The following SV2B variants were observed in gnomAD, a reference collection of about 807,000 sequenced individuals.
SV2B encodes solute carrier family 22 member B2.
Under a neutral mutation model 73.9 loss-of-function variants are expected in SV2B, and 41 were observed. That is an observed-to-expected ratio of 0.56 (90% CI 0.43 to 0.72). The LOEUF (loss-of-function observed/expected upper bound fraction) is 0.72. Ranked by LOEUF, SV2B falls within the 30% of genes least tolerant of loss-of-function variation. The pLI is 0.00. For missense variants in SV2B, 764 were observed against 857.8 expected (o/e 0.89, Z 1.37); for synonymous variants, 314 against 314.2 (o/e 1.00, Z 0.01).
rs117102896 is a variant in SV2B, at chr15:91,228,995, G to A, written c.451+2281G>A. 8.5e-5 allele frequency among the ~76,000 whole-genome samples: 13 copies of A among 152,230 alleles called. 1 individual carries two copies. The highest frequency in any genetic ancestry group is 7.8e-4 in the Admixed American group (12 of 15,288). ...AGTTTTATCTAAGGTCACATAGCTC[G>A]TAAGTGTTGAGCAGGGGTTTGACCG... On this transcript the variant is annotated intron_variant, in intron 2 of 12. Transcript: ENST00000394232.
chr15:91,276,799 G>GTTATTACTATTA (rs1290710147), intron 9 of SV2B, among the ~76,000 whole-genome samples: 1 of 77,348 alleles, frequency 1.3e-5, no homozygotes, highest in African/African-American at 6.3e-5. Flanking sequence ...TTATATTATT[G>GTTATTACTATTA]TTGTTGTTAT....
In SV2B at chr15:91,132,731, T is replaced by G. The variant is rs2042692964; in HGVS notation, c.-392+32368T>G. Among the ~76,000 whole-genome samples, 1 of 152,154 alleles carries G rather than the reference T, an allele frequency of 6.6e-6. No homozygotes were observed. The highest frequency in any genetic ancestry group is 1.5e-5 in the Non-Finnish European group (1 of 68,022). ...GGCACATGCCTGTAGTCCCAGCTAC[T>G]GGAGAGGCTGAGGTGGGAGGATCCG... On this transcript the variant is annotated intron_variant, in intron 1 of 12. Transcript: ENST00000394232. The surrounding 1 kb of genome is among the most constrained non-coding windows in gnomAD (Gnocchi z 4.6).
intron 1 of SV2B, among the ~76,000 whole-genome samples, chr15:91,135,593 A>G (rs2042796619): frequency 6.6e-6 from 1 of 152,234 alleles, no homozygotes; most frequent in Admixed American, 6.5e-5. Flanking sequence ...GGCTGAATGT[A>G]AAACAGCGTC....
rs150051002 is a variant in SV2B at position 91,256,311 on chromosome 15, C to A, written c.785-2110C>A. ...GCCCTGAAGATGTGCCTAATGAATGCGATAAATGCAGATTACTGAAATCAC... is the reference window on the plus strand; with the variant it reads ...GCCCTGAAGATGTGCCTAATGAATGAGATAAATGCAGATTACTGAAATCAC... On this transcript the variant is annotated intron_variant, in intron 4 of 12. Transcript: ENST00000394232. 3.1e-3 allele frequency among the ~76,000 whole-genome samples: 469 copies of A among 152,084 alleles called. 1 individual carries two copies. The highest frequency in any genetic ancestry group is 0.017 in the Middle Eastern group (5 of 294).
At chr15:91,217,147 G>A (rs981591546) in intron 1 of SV2B, among the ~76,000 whole-genome samples, 2 of 152,196 alleles carry the variant, frequency 1.3e-5, no homozygotes, top group Non-Finnish European at 2.9e-5. Flanking sequence ...AAAGTGCTGG[G>A]ATTCCAGGTG....
chr15:91,187,827 A>G (rs191652596), intron 1 of SV2B, among the ~76,000 whole-genome samples: 57 of 152,276 alleles, frequency 3.7e-4, no homozygotes, highest in African/African-American at 1.3e-3. Flanking sequence ...GATGCTGACT[A>G]TATTTCTTTT....
At chr15:91,142,450 A>G (rs761996444) in intron 1 of SV2B, among the ~76,000 whole-genome samples, 1 of 152,238 alleles carries the variant, frequency 6.6e-6, no homozygotes, top group Non-Finnish European at 1.5e-5. Context: ...TAAATATTTA[A>G]GTAATGAGAT....
intron 2 of SV2B, among the ~76,000 whole-genome samples, chr15:91,249,095 CACACACACACACAT>C (rs1008762503): frequency 2.7e-5 from 4 of 149,446 alleles, no homozygotes; most frequent in Non-Finnish European, 6.0e-5. Context: ...CACACACACA[CACACACACACACAT>C]GTTTATGATC....
chr15:91,125,346 G>C (rs576945121), intron 1 of SV2B, among the ~76,000 whole-genome samples: 109 of 152,218 alleles, frequency 7.2e-4, no homozygotes, highest in Middle Eastern at 3.4e-3. Context: ...TCTGTGCCGG[G>C]TACTGCACTC....
At position 91,268,650 on chromosome 15, in the gene SV2B, G is replaced by A. The variant is rs779601565; in HGVS notation, c.1373+45G>A. The A allele has an allele frequency of 7.6e-6, 12 of 1,588,006 alleles. No homozygotes were observed. Among genetic ancestry groups the A allele is most frequent in the Middle Eastern group, 1.7e-4 (1 of 5,982 alleles). ...CTTCCCTCACATCAGGGTGACAGTC[G>A]TGGGGACTGTTATTGGGAGGGAGCC... On this transcript the variant is annotated intron_variant, in intron 9 of 12. Coordinates refer to ENST00000394232, the MANE Select transcript of SV2B (RefSeq NM_001323032.3). The surrounding 1 kb of genome is among the most constrained non-coding windows in gnomAD (Gnocchi z 4.4).
In SV2B at chr15:91,268,198, A is replaced by T. The variant is rs1046368313; in HGVS notation, c.1209-243A>T. ...GGAGGTGTCCCTCAACCCCTAATCT[A>T]TTGGTGTTTGTATCAGGAAAACATT... On this transcript the variant is annotated intron_variant, in intron 8 of 12. Coordinates refer to ENST00000394232, the MANE Select transcript of SV2B (RefSeq NM_001323032.3). This position sits in a 1 kb window ranked among gnomAD's most constrained non-coding sequence, Gnocchi z 4.4. Among the ~76,000 whole-genome samples the T allele has an allele frequency of 6.6e-6, 1 of 152,198 alleles. No homozygotes were observed. The highest frequency in any genetic ancestry group is 6.5e-5 in the Admixed American group (1 of 15,282).
At chr15:91,218,468 G>A (rs528033375) in intron 1 of SV2B, among the ~76,000 whole-genome samples, 16 of 152,188 alleles carry the variant, frequency 1.1e-4, no homozygotes, top group African/African-American at 3.9e-4. Flanking sequence ...CAAATGCCAA[G>A]GTGCCAAATT....
chr15:91,161,441 T>G (rs1378303849), intron 1 of SV2B, among the ~76,000 whole-genome samples: 1 of 152,174 alleles, frequency 6.6e-6, no homozygotes, highest in Non-Finnish European at 1.5e-5. Context: ...TTTGACAACA[T>G]AAGAATTTTA....
chr15:91,277,336 A>T (rs933646578), intron 9 of SV2B, among the ~76,000 whole-genome samples: 10 of 152,132 alleles, frequency 6.6e-5, no homozygotes, highest in Non-Finnish European at 1.3e-4. Context: ...TTCCTTTTTT[A>T]TTGAGGAATA....
rs1485069234 is a variant in SV2B, at chr15:91,245,039, C to T, written c.452-6780C>T. Among the ~76,000 whole-genome samples the T allele has an allele frequency of 6.6e-6, 1 of 152,214 alleles. No individual in the cohort carries two copies. Among genetic ancestry groups the T allele is most frequent in the South Asian group, 2.1e-4 (1 of 4,830 alleles). ...TGGTTAATTGCTAAATAAAGAAGCT[C>T]ACCCAGTCAGGGCCTCTTCTTTCTT... On this transcript the variant is annotated intron_variant, in intron 2 of 12. Transcript: ENST00000394232. The surrounding 1 kb of genome is among the most constrained non-coding windows in gnomAD (Gnocchi z 4.2).
intron 1 of SV2B, among the ~76,000 whole-genome samples, chr15:91,195,371 A>G (rs1025520366): frequency 2.0e-5 from 3 of 152,046 alleles, no homozygotes; most frequent in African/African-American, 7.2e-5. Context: ...TGTTGCCCAC[A>G]CTGGTCTTGA....
chr15:91,214,521 A>G lies in SV2B; in HGVS notation c.-391-11352A>G, dbSNP rs1018108492. Among the ~76,000 whole-genome samples the G allele has an allele frequency of 6.6e-6, 1 of 152,250 alleles. No homozygotes were observed. The highest frequency in any genetic ancestry group is 2.4e-5 in the African/African-American group (1 of 41,478). On this transcript the variant is annotated intron_variant, in intron 1 of 12. Coordinates refer to ENST00000394232, the MANE Select transcript of SV2B (RefSeq NM_001323032.3). The surrounding 1 kb of genome is among the most constrained non-coding windows in gnomAD (Gnocchi z 4.7). ...AATCCTTATTATCCTCATTTCACAC[A>G]TGAAGAAACTGAAGCTTAAGGTTCA... is the stretch of plus-strand genomic sequence containing the variant.
chr15:91,166,689 C>G (rs1291312321), intron 1 of SV2B, among the ~76,000 whole-genome samples: 1 of 151,956 alleles, frequency 6.6e-6, no homozygotes, highest in Non-Finnish European at 1.5e-5. Flanking sequence ...TTTTAATTGA[C>G]CTATTTTCAA....
rs1334995652 is a variant in SV2B at position 91,293,198 on chromosome 15, TTC to T, written c.*648_*649del. On this transcript the variant is annotated 3_prime_UTR_variant, in exon 13 of 13. Coordinates refer to ENST00000394232, the MANE Select transcript of SV2B (RefSeq NM_001323032.3). ...TAATACATTTAAGAAGGATATTTAT[TTC>T]TGTTTTGCTCTATTCAAAGAAACGG... 5 of 152,210 alleles carry T rather than the reference TTC, an allele frequency of 3.3e-5. No homozygotes were observed. The highest frequency in any genetic ancestry group is 1.2e-4 in the African/African-American group (5 of 41,440). 9.4% of individuals were successfully genotyped at this position (152,210 alleles called of 1,614,324 possible).
Sources: allele counts gnomAD v4.1 joint callset (sites outside exome capture counted in the v4.1 genomes callset), GRCh38; gene constraint gnomAD v4.1.1; non-coding constraint Gnocchi (gnomAD v3.1); transcripts MANE v1.5; gene names NCBI Gene and HGNC (gene_info 2026-07-23, HGNC 2026-07-21).